ITPKB: variants seen among roughly 807,000 people sequenced by gnomAD.
ITPKB encodes inositol-trisphosphate 3-kinase B.
Under a neutral mutation model 69.4 loss-of-function variants are expected in ITPKB, and 13 were observed. The ratio of observed to expected loss-of-function variants is 0.19; its 90% CI spans 0.12 to 0.30. ITPKB has a LOEUF of 0.30. Among genes scored for constraint, ITPKB ranks in the 10% least tolerant of loss-of-function variants. The pLI is 1.00. For synonymous variants in ITPKB, 584 were observed against 513.7 expected, an observed-to-expected ratio of 1.14 and a Z score of -1.85; for missense variants, 1,240 against 1,250.5, an observed-to-expected ratio of 0.99 and a Z score of 0.13.
chr1:226,659,611 A>C (rs947669538), intron 2 of ITPKB: 1 of 151,324 alleles, frequency 6.6e-6, no homozygotes, highest in Non-Finnish European at 1.5e-5. Flanking sequence ...CTCTCAGGCC[A>C]CTCTAGCCCC....
intron 2 of ITPKB, among the ~76,000 whole-genome samples, chr1:226,654,421 A>G (rs1669249728): frequency 6.6e-6 from 1 of 152,172 alleles, no homozygotes; most frequent in Admixed American, 6.5e-5. Context: ...AGCTCAGGGC[A>G]TGCCACATTT....
chr1:226,670,292 T>C (rs2102765799), intron 2 of ITPKB, among the ~76,000 whole-genome samples: 1 of 149,506 alleles, frequency 6.7e-6, no homozygotes, highest in Non-Finnish European at 1.5e-5. Context: ...CCAAGACACA[T>C]GACCTTTTGG....
intron 2 of ITPKB, among the ~76,000 whole-genome samples, chr1:226,734,989 C>T (rs1657701856): frequency 6.6e-6 from 1 of 152,244 alleles, no homozygotes; most frequent in South Asian, 2.1e-4. Flanking sequence ...TGATTCCTCA[C>T]CCAGTTGACT....
At chr1:226,657,201 AGTCACTGACGTT>A (rs1192934966) in intron 2 of ITPKB, 7 of 152,252 alleles carry the variant, frequency 4.6e-5, no homozygotes, top group Non-Finnish European at 1.5e-5. Flanking sequence ...TTCTGGTTCA[AGTCACTGACGTT>A]GCAAAAAGAA....
intron 2 of ITPKB, among the ~76,000 whole-genome samples, chr1:226,700,689 G>A (rs1179905003): frequency 2.0e-5 from 3 of 152,102 alleles, no homozygotes; most frequent in African/African-American, 7.2e-5. Context: ...GCCAGGCTAG[G>A]ATTGAAACTC....
intron 2 of ITPKB, chr1:226,676,385 C>G (rs1482094891): frequency 6.6e-6 from 1 of 152,176 alleles, no homozygotes; most frequent in East Asian, 1.9e-4. Flanking sequence ...TCCTGGGTCC[C>G]AGGAACCATC....
At chr1:226,702,999 A>AT (rs1474834308) in intron 2 of ITPKB, among the ~76,000 whole-genome samples, 1 of 152,174 alleles carries the variant, frequency 6.6e-6, no homozygotes, top group East Asian at 1.9e-4. Context: ...GTTTATTTTC[A>AT]TAACAGTAAA....
chr1:226,689,734 C>T (rs1198694165), intron 2 of ITPKB, among the ~76,000 whole-genome samples: 1 of 152,010 alleles, frequency 6.6e-6, no homozygotes, highest in Non-Finnish European at 1.5e-5. Flanking sequence ...AAGCCTAGTA[C>T]CCATTAGTTA....
intron 2 of ITPKB, among the ~76,000 whole-genome samples, chr1:226,710,741 G>C (rs1356221964): frequency 6.6e-6 from 1 of 152,208 alleles, no homozygotes; most frequent in African/African-American, 2.4e-5. Context: ...CCTGGGGTAG[G>C]GATGGCCACC....
chr1:226,737,241 C>T lies in ITPKB; in HGVS notation c.218G>A (p.Gly73Glu). Residue 73 changes from glycine to glutamate, a missense_variant, in exon 2 of 8, where the codon GGG becomes GAG. Around this residue, in one of 2 missense-constraint regions of ITPKB, gnomAD observed 992 missense variants for 853.8 expected, o/e 1.16. Coordinates refer to ENST00000429204, the MANE Select transcript of ITPKB (RefSeq NM_002221.4). ...SLSPEEPRSP[G>E]GWRSGRRRLN... is the part of the protein sequence containing the mutation. ...CCTGCGCCGGCCGCTCCGCCAGCCC[C>T]CGGGGCTCCGGGGCTCCTCGGGGGA... 1.9e-6 allele frequency: 3 copies of T among 1,553,932 alleles called. No homozygotes were observed. Among genetic ancestry groups the T allele is most frequent in the South Asian group, 2.3e-5 (2 of 87,358 alleles).
At position 226,632,640 on chromosome 1, in the gene ITPKB, G is replaced by T. The variant is rs1325160820; in HGVS notation, c.*2031C>A. ...AGTATTGCCAATAAGAGGCCCCATG[G>T]GCCTCCTTTAATAAGCACATCATTT... On this transcript the variant is annotated 3_prime_UTR_variant, in exon 8 of 8. Coordinates refer to ENST00000429204, the MANE Select transcript of ITPKB (RefSeq NM_002221.4). 6.6e-6 allele frequency: 1 copy of T among 152,610 alleles called. No individual in the cohort carries two copies. Among genetic ancestry groups the T allele is most frequent in the Non-Finnish European group, 1.5e-5 (1 of 68,044 alleles). The allele number at this position is 152,610 out of a possible 1,614,324, so 9.5% of individuals were successfully genotyped here. A position where few individuals can be genotyped will look rare whatever the true frequency, so the allele number is the denominator to read the frequency against.
intron 2 of ITPKB, among the ~76,000 whole-genome samples, chr1:226,722,001 C>G (rs777614714): frequency 6.6e-6 from 1 of 151,760 alleles, no homozygotes; most frequent in Non-Finnish European, 1.5e-5. Context: ...TTAGTAGATA[C>G]GGGATTTCAC....
In ITPKB at chr1:226,737,552, G is replaced by C. The variant is rs1410506186; in HGVS notation, c.-94C>G. On this transcript the variant is annotated 5_prime_UTR_variant, in exon 2 of 8. Coordinates refer to ENST00000429204, the MANE Select transcript of ITPKB (RefSeq NM_002221.4). The stretch of plus-strand genomic sequence containing the variant: ...CCGGCGCTCCCGGCTCAGCCCCGGA[G>C]GCCCGGCAGCCGCGGCTCCGCGCGC... 1.6e-6 allele frequency: 2 copies of C among 1,243,158 alleles called. No homozygotes were observed. The highest frequency in any genetic ancestry group is 2.0e-6 in the Non-Finnish European group (2 of 996,510). The allele number at this position is 1,243,158 out of a possible 1,614,324, so 77.0% of individuals were successfully genotyped here.
In ITPKB at chr1:226,637,128, G is replaced by A. The variant is rs958452999; in HGVS notation, c.2625+551C>T. Among the ~76,000 whole-genome samples the A allele has an allele frequency of 6.6e-6, 1 of 152,162 alleles. No homozygotes were observed. The highest frequency in any genetic ancestry group is 2.4e-5 in the African/African-American group (1 of 41,432). On this transcript the variant is annotated intron_variant, in intron 7 of 7. Coordinates refer to ENST00000429204, the MANE Select transcript of ITPKB (RefSeq NM_002221.4). This position sits in a 1 kb window ranked among gnomAD's most constrained non-coding sequence, Gnocchi z 4.3. ...GTGGCTGGGGACCTGGACTCCCCAT[G>A]TCAGGGTCTCACACCCCTCCAGGGA...
chr1:226,658,554 C>T (rs1669339585), intron 2 of ITPKB, among the ~76,000 whole-genome samples: 2 of 152,204 alleles, frequency 1.3e-5, no homozygotes, highest in African/African-American at 4.8e-5. Flanking sequence ...AGACTAACTG[C>T]CTTTCCCCCT....
At chr1:226,650,617 C>T (rs1179198270) in intron 2 of ITPKB, among the ~76,000 whole-genome samples, 5 of 152,214 alleles carry the variant, frequency 3.3e-5, no homozygotes, top group Admixed American at 2.6e-4. Flanking sequence ...GAAGCCATTA[C>T]GGTGGGTCCA....
intron 2 of ITPKB, among the ~76,000 whole-genome samples, chr1:226,712,993 A>G (rs911851235): frequency 1.2e-4 from 18 of 152,120 alleles, no homozygotes; most frequent in South Asian, 2.1e-4. Flanking sequence ...ACACCCACAT[A>G]TCTACACCCA....
At chr1:226,724,894 C>T (rs1657361288) in intron 2 of ITPKB, among the ~76,000 whole-genome samples, 1 of 152,198 alleles carries the variant, frequency 6.6e-6, no homozygotes. Flanking sequence ...AGTACTGGGG[C>T]AGGGGTGCCC....
At chr1:226,726,406 C>A (rs1243822820) in intron 2 of ITPKB, among the ~76,000 whole-genome samples, 2 of 152,174 alleles carry the variant, frequency 1.3e-5, no homozygotes, top group South Asian at 2.1e-4. Context: ...CAGCTGTAAT[C>A]CCAACACTTT....
Sources: gnomAD v4.1 joint callset for allele counts (sites outside exome capture counted in the v4.1 genomes callset) on GRCh38, gnomAD v4.1.1 for gene constraint, gnomAD v4.1.1 regional missense constraint, Gnocchi (gnomAD v3.1) non-coding constraint, MANE v1.5 for transcripts, NCBI Gene and HGNC (gene_info 2026-07-23, HGNC 2026-07-21) for gene names.